APOOL: variants seen among roughly 807,000 people sequenced by gnomAD.
APOOL encodes the protein apolipoprotein O like, also known as MICOS complex subunit MIC27.
A neutral mutation model predicts 23.1 loss-of-function variants in APOOL; 12 were observed. The ratio of observed to expected loss-of-function variants is 0.52; its 90% CI spans 0.33 to 0.84. APOOL has a LOEUF of 0.84. APOOL is among the 40% of genes least tolerant of loss of function. The probability of loss-of-function intolerance (pLI) is 0.02; values close to 1 mark genes in which losing one functional copy is unlikely to be tolerated. For synonymous variants in APOOL, 77 were observed against 69.9 expected, an observed-to-expected ratio of 1.10 and a Z score of -0.51; for missense variants, 212 against 199.6, an observed-to-expected ratio of 1.06 and a Z score of -0.37.
intron 1 of APOOL, among the ~76,000 whole-genome samples, chrX:85,033,308 GT>G (rs765439502): frequency 6.3e-4 from 70 of 111,949 alleles, no homozygotes; most frequent in African/African-American, 2.2e-3. Context: ...TAGACCACAG[GT>G]GTTATTTTGT....
chrX:85,047,211 C>A (rs1922604773), intron 2 of APOOL, among the ~76,000 whole-genome samples: 1 of 111,845 alleles, frequency 8.9e-6, no homozygotes, highest in South Asian at 3.7e-4. Flanking sequence ...AATTTTGCTT[C>A]CAGGATAAAC....
intron 1 of APOOL, among the ~76,000 whole-genome samples, chrX:85,010,518 A>C (rs939628710): frequency 1.8e-5 from 2 of 111,156 alleles, no homozygotes; most frequent in African/African-American, 6.5e-5. Context: ...AGTATTCCCA[A>C]GTCCCCAAAG....
At chrX:85,010,140 A>G (rs1173092793) in intron 1 of APOOL, among the ~76,000 whole-genome samples, 1 of 111,138 alleles carries the variant, frequency 9.0e-6, no homozygotes, top group East Asian at 2.8e-4. Context: ...TTGCATTCCT[A>G]CTAGCAATGA....
At chrX:85,034,311 C>A (rs988031946) in intron 1 of APOOL, among the ~76,000 whole-genome samples, 1 of 111,192 alleles carries the variant, frequency 9.0e-6, no homozygotes, top group Non-Finnish European at 1.9e-5. Flanking sequence ...TGTTGTTAGA[C>A]TAGAAGTAAT....
chrX:85,041,054 T>A (rs188688648), intron 1 of APOOL, among the ~76,000 whole-genome samples: 2 of 111,677 alleles, frequency 1.8e-5, no homozygotes, highest in Non-Finnish European at 3.8e-5. Context: ...GATTTGTTGT[T>A]GTTTTGTTTT....
Position 85,092,733 on chromosome X carries a change from A to C in APOOL, c.*5055A>C. On this transcript the variant is annotated 3_prime_UTR_variant, in exon 9 of 9. Transcript: ENST00000373173. ...ATAGCTGTAAAAAGAAAAAAGTCTC[A>C]CTGTTCTGAGCTTTAAAGCCCTCTT... 1 of 453,354 alleles carries C rather than the reference A, an allele frequency of 2.2e-6. No homozygotes were observed. The highest frequency in any genetic ancestry group is 3.5e-6 in the Non-Finnish European group (1 of 282,066). The allele number at this position is 453,354 out of a possible 1,213,427, so 37.4% of individuals were successfully genotyped here. A position where few individuals can be genotyped will look rare whatever the true frequency, so the allele number is the denominator to read the frequency against.
At position 85,051,401 on chromosome X, in the gene APOOL, A is replaced by G. The variant is rs751223918; in HGVS notation, c.133A>G (p.Thr45Ala). The change falls in exon 3 of 9, where the codon ACT (threonine) becomes GCT (alanine). Residue 45 changes from threonine (T) to alanine (A), a missense_variant. Coordinates refer to ENST00000373173, the MANE Select transcript of APOOL (RefSeq NM_198450.6). ...TTTTTGCCTGTAGCTCCCCATATAT[A>G]CTGCACCACCGCTCCAGTCTAAATA... is the stretch of plus-strand genomic sequence containing the variant. ...LVKPEQLPIYTAPPLQSKYVE... is the reference protein window; with the variant it reads ...LVKPEQLPIYAAPPLQSKYVE... 48 of 1,207,958 alleles carry G rather than the reference A, an allele frequency of 4.0e-5. 1 individual carries two copies. The South Asian group carries it at 7.6e-4, about 19-fold the overall frequency.
At chrX:85,086,768 C>G (rs1398383220) in intron 8 of APOOL, among the ~76,000 whole-genome samples, 3 of 86,345 alleles carry the variant, frequency 3.5e-5, no homozygotes, top group Admixed American at 1.3e-4. Context: ...GGCGCGATCT[C>G]GGCTCACTGC....
intron 8 of APOOL, among the ~76,000 whole-genome samples, chrX:85,079,948 A>AT (rs1208779260): frequency 1.8e-5 from 2 of 111,425 alleles, no homozygotes; most frequent in East Asian, 2.8e-4. Flanking sequence ...CCCCTTTATC[A>AT]TTTTTTATTG....
intron 5 of APOOL, among the ~76,000 whole-genome samples, chrX:85,061,168 T>C (rs981833658): frequency 1.8e-5 from 2 of 111,739 alleles, no homozygotes; most frequent in African/African-American, 6.5e-5. Flanking sequence ...GTTCTGTTTG[T>C]ATGCCGGATT....
intron 8 of APOOL, among the ~76,000 whole-genome samples, chrX:85,083,491 G>A (rs1924185025): frequency 9.0e-6 from 1 of 111,326 alleles, no homozygotes; most frequent in African/African-American, 3.3e-5. Flanking sequence ...TTTAACAGCA[G>A]ACTATTTACC....
chrX:85,028,003 G>C (rs1263321605), intron 1 of APOOL, among the ~76,000 whole-genome samples: 1 of 111,289 alleles, frequency 9.0e-6, no homozygotes, highest in African/African-American at 3.3e-5. Flanking sequence ...TGGTATAAAT[G>C]CCCAGCAGTA....
At chrX:85,084,966 G>A (rs1213535514) in intron 8 of APOOL, among the ~76,000 whole-genome samples, 1 of 110,865 alleles carries the variant, frequency 9.0e-6, no homozygotes, top group Admixed American at 9.7e-5. Context: ...CACTTGTACT[G>A]AGCAATGGTT....
intron 1 of APOOL, among the ~76,000 whole-genome samples, chrX:85,030,573 C>G (rs1285517237): frequency 9.0e-6 from 1 of 111,647 alleles, no homozygotes; most frequent in Non-Finnish European, 1.9e-5. Flanking sequence ...TACTACTCAT[C>G]CACAAATAAC....
intron 8 of APOOL, among the ~76,000 whole-genome samples, chrX:85,084,777 T>C (rs981118518): frequency 8.9e-6 from 1 of 111,957 alleles, no homozygotes; most frequent in African/African-American, 3.2e-5. Context: ...AAGCTGAATC[T>C]TTCACCAAAC....
intron 1 of APOOL, among the ~76,000 whole-genome samples, chrX:85,045,229 A>ACT (rs1369133976): frequency 2.7e-5 from 3 of 111,592 alleles, no homozygotes; most frequent in African/African-American, 9.7e-5. Context: ...TGTTTCCTGT[A>ACT]CTAGAAGGAG....
chrX:85,012,066 G>A lies in APOOL; in HGVS notation c.15+8139G>A, dbSNP rs146699921. On this transcript the variant is annotated intron_variant, in intron 1 of 8. Coordinates refer to ENST00000373173, the MANE Select transcript of APOOL (RefSeq NM_198450.6). ...TTGTAGAGATCTTCCACCTCCTGAA[G>A]TTTTTTTGTTTGTTTATTTTTTTGT... 4.1e-4 allele frequency among the ~76,000 whole-genome samples: 45 copies of A among 110,719 alleles called. No homozygotes were observed. In the East Asian group the frequency reaches 0.012, roughly 31 times the overall value.
intron 1 of APOOL, among the ~76,000 whole-genome samples, chrX:85,042,505 G>A (rs948109031): frequency 8.9e-6 from 1 of 111,929 alleles, no homozygotes; most frequent in Admixed American, 9.5e-5. Flanking sequence ...TTCACTGCTG[G>A]ATTTTACCAA....
chrX:85,043,220 G>A (rs1009087459), intron 1 of APOOL, among the ~76,000 whole-genome samples: 2 of 111,114 alleles, frequency 1.8e-5, no homozygotes, highest in African/African-American at 6.6e-5. Context: ...TTGACTTGAC[G>A]AGTTATTATT....
Sources: allele counts gnomAD v4.1 joint callset (sites outside exome capture counted in the v4.1 genomes callset), GRCh38; gene constraint gnomAD v4.1.1; transcripts MANE v1.5; gene names NCBI Gene and HGNC (gene_info 2026-07-23, HGNC 2026-07-21).